HYDIN: variants seen among roughly 807,000 people sequenced by gnomAD.
The protein encoded by HYDIN is axonemal central pair apparatus protein HYDIN.
Under a neutral mutation model 403.9 loss-of-function variants are expected in HYDIN, and 132 were observed. The ratio of observed to expected loss-of-function variants is 0.33; its 90% confidence interval spans 0.28 to 0.38. The LOEUF is 0.38. Ranked by LOEUF, HYDIN falls within the 10% of genes least tolerant of loss-of-function variation. The pLI, the probability that HYDIN is intolerant of heterozygous loss-of-function variation, is 1.00. For missense variants in HYDIN, 2,827 were observed against 5,009.5 expected, an observed-to-expected ratio of 0.56 and a Z score of 13.15; for synonymous variants, 1,202 against 1,891.7, an observed-to-expected ratio of 0.64 and a Z score of 9.46.
In HYDIN at chr16:71,093,878, T is replaced by C. The variant is rs2083192694; in HGVS notation, c.1385A>G (p.His462Arg). The C allele has an allele frequency of 6.2e-7, 1 of 1,613,796 alleles. No homozygotes were observed. Among genetic ancestry groups the C allele is most frequent in the Non-Finnish European group, 8.5e-7 (1 of 1,179,852 alleles). ...IKGEGMGPKI[H>R]FNFELLDIGK... ...AATATCCAGCAATTCAAAGTTGAAG[T>C]GAATCTTAGGTCCCATGCCTTCCCC... The change falls in exon 11 of 86, where the codon CAC (histidine) becomes CGC (arginine). Residue 462 changes from histidine (H) to arginine (R), a missense_variant. Coordinates refer to ENST00000393567, the MANE Select transcript of HYDIN (RefSeq NM_001270974.2).
intron 1 of HYDIN, among the ~76,000 whole-genome samples, chr16:71,226,184 G>A (rs569549730): frequency 4.6e-5 from 7 of 152,120 alleles, no homozygotes; most frequent in Admixed American, 3.9e-4. Flanking sequence ...TCAAGAAATC[G>A]ATTTTATGCT....
chr16:71,219,886 G>A (rs374432056), intron 1 of HYDIN, among the ~76,000 whole-genome samples: 2 of 152,282 alleles, frequency 1.3e-5, no homozygotes, highest in African/African-American at 4.8e-5. Context: ...ACAGATCTTG[G>A]AAGAAATTAT....
intron 1 of HYDIN, among the ~76,000 whole-genome samples, chr16:71,229,171 G>C (rs977590596): frequency 5.8e-5 from 7 of 120,116 alleles, no homozygotes; most frequent in Non-Finnish European, 1.0e-4. Flanking sequence ...TGGGGGGAGG[G>C]GGGAGGGATA....
At chr16:71,196,796 C>A (rs2087718345) in intron 1 of HYDIN, among the ~76,000 whole-genome samples, 1 of 152,154 alleles carries the variant, frequency 6.6e-6, no homozygotes. Flanking sequence ...CTCTGGTTGT[C>A]CTCACTGCTA....
intron 65 of HYDIN, among the ~76,000 whole-genome samples, chr16:70,871,253 C>T (rs8052250): frequency 4.0e-5 from 6 of 151,884 alleles, no homozygotes; most frequent in Admixed American, 1.3e-4. Context: ...TCCCTAATAG[C>T]GCTCAAAGAT....
intron 23 of HYDIN, among the ~76,000 whole-genome samples, chr16:71,004,477 CAT>C (rs2079831972): frequency 6.6e-6 from 1 of 152,218 alleles, no homozygotes; most frequent in African/African-American, 2.4e-5. Flanking sequence ...TTGAGATGAT[CAT>C]ATGTTTTTTC....
chr16:71,165,012 C>A (rs915143756), intron 5 of HYDIN, among the ~76,000 whole-genome samples: 1 of 152,096 alleles, frequency 6.6e-6, no homozygotes, highest in Non-Finnish European at 1.5e-5. Flanking sequence ...ACCACCTCCA[C>A]CCCCGCCACC....
At position 70,862,192 on chromosome 16, in the gene HYDIN, G is replaced by C; in HGVS notation, c.11633C>G (p.Thr3878Ser). 2 of 1,613,704 alleles carry C rather than the reference G, an allele frequency of 1.2e-6. No individual in the cohort carries two copies. The highest frequency in any genetic ancestry group is 2.2e-5 in the East Asian group (1 of 44,850). Residue 3878 changes from threonine (T) to serine (S), a missense_variant, in exon 69 of 86, where the codon ACC (threonine) becomes AGC (serine). Transcript: ENST00000393567. Reference protein sequence around the residue: ...TMHTGSTLDSTMDHWAEGSPQ... With the variant: ...TMHTGSTLDSSMDHWAEGSPQ... ...GGAACCCTCGGCCCAGTGGTCCATG[G>C]TGCTGTCCAGGGTGCTGCCTGTATG...
At chr16:71,219,734 A>G (rs1042639716) in intron 1 of HYDIN, among the ~76,000 whole-genome samples, 2 of 152,188 alleles carry the variant, frequency 1.3e-5, no homozygotes, top group African/African-American at 4.8e-5. Flanking sequence ...ATTTTATGAT[A>G]TGTCAATTTT....
Position 70,807,562 on chromosome 16 carries a change from A to T in HYDIN, c.*18T>A, listed in dbSNP as rs754720980. On this transcript the variant is annotated 3_prime_UTR_variant, in exon 86 of 86. Transcript: ENST00000393567. ...ACAATGCATAGCTTTTGGTTGATAC[A>T]GGTAACCCTGGTTACCACTAAAGGG... 1 of 1,585,874 alleles carries T rather than the reference A, an allele frequency of 6.3e-7. No homozygotes were observed. The highest frequency in any genetic ancestry group is 2.2e-5 in the East Asian group (1 of 44,640).
chr16:71,020,912 C>T lies in HYDIN; in HGVS notation c.3187-595G>A, dbSNP rs541916633. Among the ~76,000 whole-genome samples the T allele has an allele frequency of 4.0e-5, 6 of 150,884 alleles. No individual in the cohort carries two copies. In the East Asian group the frequency reaches 1.2e-3, roughly 29 times the overall value. ...ATTAGATTTTTTTACCCCCTTGGTG[C>T]CTAATTGAGAAAACCTACAGAAGCC... On this transcript the variant is annotated intron_variant, in intron 21 of 85. Coordinates refer to ENST00000393567, the MANE Select transcript of HYDIN (RefSeq NM_001270974.2).
chr16:70,981,531 A>G lies in HYDIN; in HGVS notation c.4370T>C (p.Val1457Ala). Residue 1457 changes from valine to alanine, a missense_variant, in exon 29 of 86, where the codon GTT becomes GCT. Coordinates refer to ENST00000393567, the MANE Select transcript of HYDIN (RefSeq NM_001270974.2). ...ISSHQEQVLKVYYLPGVPEVF... is the reference protein window; with the variant it reads ...ISSHQEQVLKAYYLPGVPEVF... ...CTCAGGTACTCCAGGTAGGTAGTAA[A>G]CTTTTAATACCTGCTCTTGATGTGA... 1 of 1,612,268 alleles carries G rather than the reference A, an allele frequency of 6.2e-7. No individual in the cohort carries two copies. Among genetic ancestry groups the G allele is most frequent in the Non-Finnish European group, 8.5e-7 (1 of 1,179,400 alleles).
At chr16:70,916,625 C>T (rs556386820) in intron 47 of HYDIN, among the ~76,000 whole-genome samples, 3 of 152,262 alleles carry the variant, frequency 2.0e-5, no homozygotes, top group Non-Finnish European at 4.4e-5. Flanking sequence ...GCTGCTCTAT[C>T]CACCCGAGTT....
At chr16:70,813,738 C>G (rs1306487349) in intron 84 of HYDIN, among the ~76,000 whole-genome samples, 2 of 150,990 alleles carry the variant, frequency 1.3e-5, no homozygotes, top group African/African-American at 4.9e-5. Flanking sequence ...ACTTGACAAG[C>G]TGATTTCAAA....
intron 18 of HYDIN, among the ~76,000 whole-genome samples, chr16:71,039,616 G>A (rs1300896621): frequency 1.3e-5 from 2 of 152,166 alleles, no homozygotes; most frequent in African/African-American, 4.8e-5. Context: ...GGGGATTACA[G>A]AGGGGACACT....
At chr16:71,111,413 G>A (rs1047220742) in intron 10 of HYDIN, among the ~76,000 whole-genome samples, 11 of 152,234 alleles carry the variant, frequency 7.2e-5, no homozygotes, top group South Asian at 2.1e-4. Flanking sequence ...GAAGATGCCC[G>A]GAAACCACTG....
chr16:71,227,135 A>G (rs1352663247), intron 1 of HYDIN, among the ~76,000 whole-genome samples: 1 of 151,014 alleles, frequency 6.6e-6, no homozygotes, highest in Non-Finnish European at 1.5e-5. Context: ...ATATATGTAT[A>G]TATATATGTG....
At chr16:70,898,115 G>C (rs1165917769) in intron 53 of HYDIN, among the ~76,000 whole-genome samples, 1 of 152,200 alleles carries the variant, frequency 6.6e-6, no homozygotes, top group Non-Finnish European at 1.5e-5. Flanking sequence ...GTTGCAGTGA[G>C]CTGAGATTGC....
At chr16:71,196,113 A>G (rs1291225607) in intron 1 of HYDIN, among the ~76,000 whole-genome samples, 1 of 152,216 alleles carries the variant, frequency 6.6e-6, no homozygotes, top group African/African-American at 2.4e-5. Context: ...TTCAAAACAG[A>G]CTACTTTTGT....
Sources: allele counts gnomAD v4.1 joint callset (sites outside exome capture counted in the v4.1 genomes callset), GRCh38; gene constraint gnomAD v4.1.1; transcripts MANE v1.5; gene names NCBI Gene and HGNC (gene_info 2026-07-23, HGNC 2026-07-21).